Variants in HIPK3 observed in about 807,000 individuals in gnomAD.
HIPK3 encodes the protein homeodomain-interacting protein kinase 3.
In HIPK3, 47 loss-of-function variants were observed where a neutral mutation model predicts 124.2. That is an observed-to-expected ratio of 0.38 (90% confidence interval 0.30 to 0.48). The LOEUF (loss-of-function observed/expected upper bound fraction) is 0.48. Among genes scored for constraint, HIPK3 ranks in the 20% least tolerant of loss-of-function variants. The pLI, the probability that HIPK3 is intolerant of heterozygous loss-of-function variation, is 0.98. For missense variants in HIPK3, 1,286 were observed against 1,454.3 expected (o/e 0.88, Z 1.88); for synonymous variants, 482 against 515.2 (o/e 0.94, Z 0.87).
intron 2 of HIPK3, among the ~76,000 whole-genome samples, chr11:33,297,281 A>G (rs1278063616): frequency 6.6e-6 from 1 of 152,028 alleles, no homozygotes; most frequent in Non-Finnish European, 1.5e-5. Context: ...TTTAGTAGAG[A>G]CGGGGCTTCG....
intron 1 of HIPK3, among the ~76,000 whole-genome samples, chr11:33,284,136 TAAAG>T (rs1309524236): frequency 2.0e-5 from 3 of 152,198 alleles, no homozygotes; most frequent in Non-Finnish European, 4.4e-5. Flanking sequence ...GATTCTGAGT[TAAAG>T]AACTGATGTT....
upstream of HIPK3, chr11:33,256,763 T>G (rs1030551809): frequency 1.0e-6 from 1 of 961,398 alleles, no homozygotes; most frequent in East Asian, 1.2e-4. Context: ...GTGGGCGAAC[T>G]TCACAATTAT....
intron 1 of HIPK3, among the ~76,000 whole-genome samples, chr11:33,283,208 T>C (rs1255947586): frequency 6.6e-6 from 1 of 151,912 alleles, no homozygotes; most frequent in Non-Finnish European, 1.5e-5. Context: ...CCTCCCGGGT[T>C]CACGCCATTC....
intron 3 of HIPK3, among the ~76,000 whole-genome samples, chr11:33,330,946 C>G (rs532143504): frequency 2.0e-5 from 3 of 151,226 alleles, no homozygotes; most frequent in Admixed American, 6.6e-5. Flanking sequence ...TGCAGTGGTT[C>G]CATCTCGGCT....
intron 2 of HIPK3, among the ~76,000 whole-genome samples, chr11:33,298,782 T>A (rs1208681657): frequency 6.6e-6 from 1 of 152,202 alleles, no homozygotes; most frequent in Non-Finnish European, 1.5e-5. Flanking sequence ...GAATTAGAAG[T>A]GGAGTCTGAA....
intron 2 of HIPK3, among the ~76,000 whole-genome samples, chr11:33,306,818 T>C (rs541804100): frequency 1.3e-5 from 2 of 152,332 alleles, no homozygotes; most frequent in South Asian, 4.1e-4. Flanking sequence ...GATATGATGA[T>C]AGGGAGTCTC....
chr11:33,334,660 A>G (rs1853085143), intron 3 of HIPK3, among the ~76,000 whole-genome samples: 1 of 152,198 alleles, frequency 6.6e-6, no homozygotes, highest in Admixed American at 6.5e-5. Flanking sequence ...TTAAAAAAAA[A>G]AAAATCACAA....
In HIPK3 at chr11:33,286,539, G is replaced by A. The variant is rs1002932768; in HGVS notation, c.125G>A (p.Arg42Gln). Residue 42 changes from arginine to glutamine, a missense_variant, in exon 2 of 17, where the codon CGG becomes CAG. Physicochemically the swap from Arg to Gln is conservative, Grantham distance 43 (BLOSUM62 1). Coordinates refer to ENST00000303296, the MANE Select transcript of HIPK3 (RefSeq NM_005734.5). ...SCVFQERNYP[R>Q]TYVNGRNFGN... ...GTATTCCAGGAAAGAAACTATCCAC[G>A]GACCTATGTGAATGGTAGAAACTTT... The A allele has an allele frequency of 1.3e-5, 21 of 1,613,726 alleles. No individual in the cohort carries two copies. Among genetic ancestry groups the A allele is most frequent in the Non-Finnish European group, 1.7e-5 (20 of 1,179,986 alleles).
At chr11:33,348,043 C>G in intron 11 of HIPK3, 30 bp downstream of exon 11, 1 of 1,612,634 alleles carries the variant, frequency 6.2e-7, no homozygotes, top group Non-Finnish European at 8.5e-7. Flanking sequence ...CTTTCCTCTG[C>G]ATTTTGAGAA....
At chr11:33,257,967 A>G in intron 1 of HIPK3, 78 bp downstream of exon 1, 1 of 978,164 alleles carries the variant, frequency 1.0e-6, no homozygotes, top group South Asian at 4.7e-5. Flanking sequence ...CGGCCAGCGG[A>G]CCCCAAGCCT....
chr11:33,283,670 TTTC>T (rs1851471258), intron 1 of HIPK3, among the ~76,000 whole-genome samples: 1 of 151,956 alleles, frequency 6.6e-6, no homozygotes, highest in African/African-American at 2.4e-5. Context: ...AAACTTCAGT[TTTC>T]TTTTTTTTTT....
At chr11:33,296,997 A>G (rs956534617) in intron 2 of HIPK3, among the ~76,000 whole-genome samples, 2 of 152,254 alleles carry the variant, frequency 1.3e-5, no homozygotes, top group African/African-American at 4.8e-5. Context: ...AGTGGCGAAT[A>G]CAAAGGAAAA....
chr11:33,265,865 C>T (rs1850944458), intron 1 of HIPK3, among the ~76,000 whole-genome samples: 1 of 149,944 alleles, frequency 6.7e-6, no homozygotes, highest in Non-Finnish European at 1.5e-5. Context: ...GCGGGTGGGT[C>T]ATGAGGTCAG....
At chr11:33,271,850 T>A (rs1430261413) in intron 1 of HIPK3, among the ~76,000 whole-genome samples, 1 of 152,234 alleles carries the variant, frequency 6.6e-6, no homozygotes, top group Non-Finnish European at 1.5e-5. Flanking sequence ...TTTATCATTA[T>A]CATTATAGTT....
chr11:33,271,412 A>G (rs1425632552), intron 1 of HIPK3, among the ~76,000 whole-genome samples: 6 of 152,142 alleles, frequency 3.9e-5, no homozygotes, highest in African/African-American at 2.4e-5. Context: ...CAAAAATACA[A>G]AAAATTAACC....
intron 2 of HIPK3, among the ~76,000 whole-genome samples, chr11:33,319,167 G>A (rs1200897813): frequency 3.3e-5 from 5 of 152,110 alleles, no homozygotes; most frequent in Non-Finnish European, 7.4e-5. Context: ...CACATTTTTG[G>A]TCTTGGGTAG....
intron 2 of HIPK3, among the ~76,000 whole-genome samples, chr11:33,324,646 C>T (rs988860674): frequency 1.3e-5 from 2 of 152,190 alleles, no homozygotes; most frequent in African/African-American, 4.8e-5. Flanking sequence ...TCCTTTGGGC[C>T]CCTTCCCACC....
At chr11:33,264,068 TC>T (rs2133864049) in intron 1 of HIPK3, among the ~76,000 whole-genome samples, 1 of 152,342 alleles carries the variant, frequency 6.6e-6, no homozygotes, top group Admixed American at 6.5e-5. Context: ...TGTCACACAG[TC>T]CTTTTCACCT....
intron 2 of HIPK3, among the ~76,000 whole-genome samples, chr11:33,313,642 C>T (rs1221657187): frequency 6.6e-6 from 1 of 151,684 alleles, no homozygotes; most frequent in Non-Finnish European, 1.5e-5. Context: ...ATTATGTCAA[C>T]ATGATCAGTT....
Sources: gnomAD v4.1 joint callset for allele counts (sites outside exome capture counted in the v4.1 genomes callset) on GRCh38, gnomAD v4.1.1 for gene constraint, MANE v1.5 for transcripts, NCBI Gene and HGNC (gene_info 2026-07-23, HGNC 2026-07-21) for gene names.